Variants in GNG7 observed in about 807,000 individuals in gnomAD.
GNG7 encodes G protein subunit gamma 7.
A neutral mutation model predicts 4.0 loss-of-function variants in GNG7; 1 was observed. That is an observed-to-expected ratio of 0.25 (90% confidence interval 0.09 to 1.18). The LOEUF (loss-of-function observed/expected upper bound fraction) is 1.18. GNG7 is among the 50% of genes most tolerant of loss of function. The probability of loss-of-function intolerance (pLI) is 0.50; values close to 1 mark genes in which losing one functional copy is unlikely to be tolerated. For missense variants in GNG7, 86 were observed against 91.9 expected (o/e 0.94, Z 0.26); for synonymous variants, 34 against 36.9 (o/e 0.92, Z 0.29).
intron 2 of GNG7, among the ~76,000 whole-genome samples, chr19:2,596,761 A>T (rs889001855): frequency 6.6e-6 from 1 of 151,724 alleles, no homozygotes; most frequent in African/African-American, 2.4e-5. Flanking sequence ...CCACACTGTT[A>T]ACAGTGGTTA....
At position 2,641,296 on chromosome 19, in the gene GNG7, C is replaced by T. The variant is rs559092141; in HGVS notation, c.-78+4928G>A. On this transcript the variant is annotated intron_variant, in intron 2 of 4. Coordinates refer to ENST00000382159, the MANE Select transcript of GNG7 (RefSeq NM_052847.3). ...AGCAGAAGGAACAGCAGGCTCCCAG[C>T]GACAGCCCCATCCTAACCCCAGAAG... Among the ~76,000 whole-genome samples the T allele has an allele frequency of 3.3e-5, 5 of 152,292 alleles. No homozygotes were observed. The South Asian group carries it at 8.3e-4, about 25-fold the overall frequency.
chr19:2,552,668 A>G (rs896891705), intron 3 of GNG7, among the ~76,000 whole-genome samples: 3 of 151,046 alleles, frequency 2.0e-5, no homozygotes, highest in Non-Finnish European at 4.4e-5. Flanking sequence ...TATAGGCGTG[A>G]GCCACCACAC....
At chr19:2,688,905 T>G (rs1430495989) in intron 1 of GNG7, among the ~76,000 whole-genome samples, 2 of 151,390 alleles carry the variant, frequency 1.3e-5, no homozygotes, top group Admixed American at 1.3e-4. Context: ...ATCTCTACAA[T>G]AAAACAAAAA....
chr19:2,695,904 A>T (rs1448914380), intron 1 of GNG7, among the ~76,000 whole-genome samples: 3 of 152,170 alleles, frequency 2.0e-5, no homozygotes, highest in Non-Finnish European at 4.4e-5. Flanking sequence ...CACGCCTGTA[A>T]TCCCAGCACT....
chr19:2,681,357 G>C (rs1047607769), intron 1 of GNG7, among the ~76,000 whole-genome samples: 1 of 151,604 alleles, frequency 6.6e-6, no homozygotes, highest in African/African-American at 2.4e-5. Context: ...CTAATTTTTT[G>C]TCCTTTTAGT....
At position 2,657,399 on chromosome 19, in the gene GNG7, T is replaced by TATATATATAC. The variant is rs1332253018; in HGVS notation, c.-134-11120_-134-11119insGTATATATAT. On this transcript the variant is annotated intron_variant, in intron 1 of 4. Transcript: ENST00000382159. ...ATATATATATATATATATATATATA[T>TATATATATAC]ACACATAATAACATTTATCCTAAAA... is the stretch of plus-strand genomic sequence containing the variant. Among the ~76,000 whole-genome samples the TATATATATAC allele has an allele frequency of 5.0e-4, 40 of 80,716 alleles. 2 individuals are homozygous for TATATATATAC. The highest frequency in any genetic ancestry group is 1.7e-3 in the African/African-American group (28 of 16,124). The allele number at this position is 80,716 out of a possible 152,430, so 53.0% of individuals were successfully genotyped here.
At chr19:2,559,971 A>C (rs1979690927) in intron 2 of GNG7, among the ~76,000 whole-genome samples, 1 of 152,104 alleles carries the variant, frequency 6.6e-6, no homozygotes, top group East Asian at 1.9e-4. Flanking sequence ...GGGCCACTGC[A>C]AACAGCAAAA....
chr19:2,545,047 A>G (rs538521708), intron 3 of GNG7, among the ~76,000 whole-genome samples: 28 of 152,128 alleles, frequency 1.8e-4, no homozygotes, highest in African/African-American at 6.0e-4. Flanking sequence ...TGTGGATTTC[A>G]TTGTGTGCAG....
At chr19:2,638,253 C>T (rs1982369138) in intron 2 of GNG7, among the ~76,000 whole-genome samples, 1 of 150,208 alleles carries the variant, frequency 6.7e-6, no homozygotes, top group Admixed American at 6.6e-5. Flanking sequence ...ATCCCAGCTA[C>T]TCGGGAGGCC....
In GNG7 at chr19:2,633,716, G is replaced by C; in HGVS notation, c.-78+12508C>G. ...AACGGGTGTCTGTTTACCGGGGCTT[G>C]AGTGGGAGCTGTAGTAATTCTGTCC... is the stretch of plus-strand genomic sequence containing the variant. On this transcript the variant is annotated intron_variant, in intron 2 of 4. Transcript: ENST00000382159. The surrounding 1 kb of genome is among the most constrained non-coding windows in gnomAD (Gnocchi z 5.9). Among the ~76,000 whole-genome samples the C allele has an allele frequency of 6.6e-6, 1 of 152,120 alleles. No individual in the cohort carries two copies. The highest frequency in any genetic ancestry group is 1.9e-4 in the East Asian group (1 of 5,166).
intron 3 of GNG7, among the ~76,000 whole-genome samples, chr19:2,543,807 CGTGCCGGG>C (rs1979039888): frequency 6.6e-6 from 1 of 152,110 alleles, no homozygotes; most frequent in African/African-American, 2.4e-5. Flanking sequence ...TGTGGCGCGG[CGTGCCGGG>C]GTGAGTCAGC....
At chr19:2,636,962 GCCCACCTGCACTTCCGTC>G (rs1252586822) in intron 2 of GNG7, among the ~76,000 whole-genome samples, 2 of 150,230 alleles carry the variant, frequency 1.3e-5, no homozygotes, top group African/African-American at 4.9e-5. Flanking sequence ...GCCCACCTGC[GCCCACCTGCACTTCCGTC>G]CCCACCTGCA....
At chr19:2,620,504 T>C (rs1394319982) in intron 2 of GNG7, among the ~76,000 whole-genome samples, 1 of 152,110 alleles carries the variant, frequency 6.6e-6, no homozygotes, top group Non-Finnish European at 1.5e-5. Context: ...CCGTTTCCTA[T>C]CGAAACCAAT....
intron 2 of GNG7, among the ~76,000 whole-genome samples, chr19:2,566,764 T>A (rs1036986076): frequency 6.6e-6 from 1 of 152,076 alleles, no homozygotes; most frequent in Non-Finnish European, 1.5e-5. Flanking sequence ...GTGGACGATT[T>A]CTCAATGAGT....
chr19:2,591,431 T>G (rs2144801644), intron 2 of GNG7, among the ~76,000 whole-genome samples: 1 of 150,524 alleles, frequency 6.6e-6, no homozygotes, highest in African/African-American at 2.4e-5. Flanking sequence ...ATGTCACTGT[T>G]TTCGTAATTT....
At chr19:2,675,740 A>T (rs77362651) in intron 1 of GNG7, among the ~76,000 whole-genome samples, 10,131 of 151,956 alleles carry the variant, frequency 0.067, 435 homozygotes, top group Middle Eastern at 0.18. Flanking sequence ...GATTGGGGGG[A>T]GCTCCTGGTA....
intron 2 of GNG7, among the ~76,000 whole-genome samples, chr19:2,567,516 G>A (rs1489344758): frequency 6.6e-6 from 1 of 152,030 alleles, no homozygotes; most frequent in Non-Finnish European, 1.5e-5. Context: ...TGTATAGATG[G>A]GGTTTCGCCA....
intron 1 of GNG7, among the ~76,000 whole-genome samples, chr19:2,691,466 C>T (rs1425033650): frequency 6.6e-6 from 1 of 151,978 alleles, no homozygotes; most frequent in Non-Finnish European, 1.5e-5. Context: ...ATCACTTGAG[C>T]CTGGGAGGCG....
chr19:2,643,656 C>G lies in GNG7; in HGVS notation c.-78+2568G>C, dbSNP rs569916776. 5.8e-4 allele frequency: 265 copies of G among 456,576 alleles called. 3 individuals are homozygous for G. Among genetic ancestry groups the G allele is most frequent in the South Asian group, 4.0e-3 (255 of 64,534 alleles). 28.3% of individuals were successfully genotyped at this position (456,576 alleles called of 1,614,324 possible). A position where few individuals can be genotyped will look rare whatever the true frequency, so the allele number is the denominator to read the frequency against. On this transcript the variant is annotated intron_variant, in intron 2 of 4. Coordinates refer to ENST00000382159, the MANE Select transcript of GNG7 (RefSeq NM_052847.3). ...CTCCGGGCTCTGCACACCTTCCAGC[C>G]CTGCGCCTCCTTTTTCGGGCTGAGC...
Sources: gnomAD v4.1 joint callset for allele counts (sites outside exome capture counted in the v4.1 genomes callset) on GRCh38, gnomAD v4.1.1 for gene constraint, Gnocchi (gnomAD v3.1) non-coding constraint, MANE v1.5 for transcripts, NCBI Gene and HGNC (gene_info 2026-07-23, HGNC 2026-07-21) for gene names.